Variants in RAB3C observed in about 807,000 individuals in gnomAD.
RAB3C encodes the protein RAB3C, member RAS oncogene family, also known as ras-related protein Rab-3C.
A neutral mutation model predicts 26.4 loss-of-function variants in RAB3C; 17 were observed. The ratio of observed to expected loss-of-function variants is 0.64; its 90% CI spans 0.44 to 0.97. RAB3C has a LOEUF of 0.97. Ranked by LOEUF, RAB3C falls within the 50% of genes least tolerant of loss-of-function variation. RAB3C has a pLI of 0.00. For missense variants in RAB3C, 242 were observed against 281.9 expected (o/e 0.86, Z 1.01); for synonymous variants, 91 against 95.9 (o/e 0.95, Z 0.30).
At chr5:58,803,864 G>C (rs927955360) in intron 3 of RAB3C, among the ~76,000 whole-genome samples, 1 of 152,004 alleles carries the variant, frequency 6.6e-6, no homozygotes, top group African/African-American at 2.4e-5. Flanking sequence ...TTCGAGACCA[G>C]CCTGGCCAAC....
At chr5:58,838,994 T>TA (rs1210338134) in intron 4 of RAB3C, among the ~76,000 whole-genome samples, 1 of 151,998 alleles carries the variant, frequency 6.6e-6, no homozygotes, top group African/African-American at 2.4e-5. Flanking sequence ...TGAAGCATTT[T>TA]TTTTTAACTG....
intron 1 of RAB3C, among the ~76,000 whole-genome samples, chr5:58,608,443 A>G (rs1561264924): frequency 1.3e-5 from 2 of 152,250 alleles, no homozygotes; most frequent in Non-Finnish European, 2.9e-5. Context: ...AAAAATGCTC[A>G]TCATCACTGG....
intron 2 of RAB3C, among the ~76,000 whole-genome samples, chr5:58,677,080 G>A (rs1029278083): frequency 1.3e-5 from 2 of 152,084 alleles, no homozygotes; most frequent in Non-Finnish European, 2.9e-5. Flanking sequence ...CTGCCTCCTC[G>A]CTTCTGTTAT....
At chr5:58,762,517 AC>A (rs1211077511) in intron 3 of RAB3C, among the ~76,000 whole-genome samples, 1 of 151,916 alleles carries the variant, frequency 6.6e-6, no homozygotes, top group Non-Finnish European at 1.5e-5. Context: ...ACATGGAGAA[AC>A]CCCATCTCTA....
intron 1 of RAB3C, among the ~76,000 whole-genome samples, chr5:58,604,145 G>A (rs1296071515): frequency 6.6e-6 from 1 of 152,200 alleles, no homozygotes; most frequent in Non-Finnish European, 1.5e-5. Context: ...TCTGCACAGA[G>A]TCCTGTGATG....
intron 1 of RAB3C, among the ~76,000 whole-genome samples, chr5:58,585,677 G>A (rs1745994977): frequency 6.6e-6 from 1 of 152,016 alleles, no homozygotes; most frequent in South Asian, 2.1e-4. Context: ...AAAAGCATTT[G>A]ATGTATCTAT....
At chr5:58,623,507 T>C (rs1746977804) in intron 2 of RAB3C, among the ~76,000 whole-genome samples, 1 of 152,236 alleles carries the variant, frequency 6.6e-6, no homozygotes, top group Non-Finnish European at 1.5e-5. Flanking sequence ...TTCTTCTAAC[T>C]TAGCATCTGC....
chr5:58,665,692 G>A (rs59780509), intron 2 of RAB3C, among the ~76,000 whole-genome samples: 4,814 of 152,106 alleles, frequency 0.032, 243 homozygotes, highest in African/African-American at 0.11. Flanking sequence ...CAAATCCTGG[G>A]ACTGCTTCTC....
chr5:58,813,575 T>G (rs13159499), intron 3 of RAB3C, among the ~76,000 whole-genome samples: 1 of 100,058 alleles, frequency 1.0e-5, no homozygotes, highest in Non-Finnish European at 2.3e-5. Flanking sequence ...GTTGTTATGG[T>G]TAATTTATAT....
At chr5:58,775,219 T>A (rs1203765711) in intron 3 of RAB3C, among the ~76,000 whole-genome samples, 1 of 152,136 alleles carries the variant, frequency 6.6e-6, no homozygotes, top group African/African-American at 2.4e-5. Flanking sequence ...TAGTCCCATC[T>A]GGTTCATGCC....
intron 3 of RAB3C, chr5:58,823,265 G>T (rs1561142587): frequency 8.8e-6 from 2 of 227,594 alleles, no homozygotes; most frequent in Non-Finnish European, 8.9e-6. Flanking sequence ...GTGGCTCACA[G>T]TCCCAGCACT....
intron 2 of RAB3C, among the ~76,000 whole-genome samples, chr5:58,674,057 A>G (rs1018038942): frequency 6.6e-6 from 1 of 152,214 alleles, no homozygotes; most frequent in Non-Finnish European, 1.5e-5. Flanking sequence ...GATAAGAGTA[A>G]GTTTGGGAGG....
intron 3 of RAB3C, among the ~76,000 whole-genome samples, chr5:58,795,549 C>T (rs1278791492): frequency 6.6e-6 from 1 of 152,188 alleles, no homozygotes; most frequent in Admixed American, 6.5e-5. Context: ...AAAGTGGTTA[C>T]TGAAACTGCA....
intron 2 of RAB3C, among the ~76,000 whole-genome samples, chr5:58,664,957 G>A (rs975638424): frequency 9.9e-5 from 15 of 151,916 alleles, no homozygotes; most frequent in East Asian, 1.9e-4. Context: ...GGATCTTGGC[G>A]CTGGATGCCT....
intron 2 of RAB3C, among the ~76,000 whole-genome samples, chr5:58,623,631 G>T (rs974950036): frequency 6.6e-6 from 1 of 152,224 alleles, no homozygotes; most frequent in African/African-American, 2.4e-5. Context: ...GCAGCTGAAC[G>T]CAGGAGCTCC....
intron 4 of RAB3C, among the ~76,000 whole-genome samples, chr5:58,838,320 C>G (rs1466570977): frequency 6.6e-6 from 1 of 151,064 alleles, no homozygotes; most frequent in African/African-American, 2.4e-5. Context: ...GCAGAGCTTG[C>G]AGTGAGCTGA....
At chr5:58,770,050 T>G (rs1169373474) in intron 3 of RAB3C, among the ~76,000 whole-genome samples, 3 of 152,156 alleles carry the variant, frequency 2.0e-5, no homozygotes, top group African/African-American at 4.8e-5. Flanking sequence ...ATTTAATTAT[T>G]CACTTCAATA....
At chr5:58,589,815 T>C (rs1049367197) in intron 1 of RAB3C, among the ~76,000 whole-genome samples, 1 of 152,200 alleles carries the variant, frequency 6.6e-6, no homozygotes, top group African/African-American at 2.4e-5. Flanking sequence ...ACAATACCTC[T>C]TAAAAGTAGA....
chr5:58,765,537 C>T (rs748253780), intron 3 of RAB3C, among the ~76,000 whole-genome samples: 17 of 152,134 alleles, frequency 1.1e-4, no homozygotes, highest in Non-Finnish European at 2.2e-4. Flanking sequence ...CAACCTTCCA[C>T]TCCTCTTTTT....
Sources: gnomAD v4.1 joint callset for allele counts (sites outside exome capture counted in the v4.1 genomes callset) on GRCh38, gnomAD v4.1.1 for gene constraint, MANE v1.5 for transcripts, NCBI Gene and HGNC (gene_info 2026-07-23, HGNC 2026-07-21) for gene names.